The following USH2A variants were observed in gnomAD, a reference collection of about 807,000 sequenced individuals.
USH2A encodes usherin.
Under a neutral mutation model 538.9 loss-of-function variants are expected in USH2A, and 443 were observed. That is an observed-to-expected ratio of 0.82 (90% CI 0.76 to 0.89). The LOEUF (loss-of-function observed/expected upper bound fraction) is 0.89. Ranked by LOEUF, USH2A falls within the 40% of genes least tolerant of loss-of-function variation. The probability of loss-of-function intolerance (pLI) is 0.00; values close to 1 mark genes in which losing one functional copy is unlikely to be tolerated. For synonymous variants in USH2A, 2,413 were observed against 2,273.5 expected (o/e 1.06, Z -1.75); for missense variants, 6,633 against 6,324.8 (o/e 1.05, Z -1.65).
chr1:215,702,294 G>A (rs1385714075), intron 61 of USH2A, among the ~76,000 whole-genome samples: 1 of 152,066 alleles, frequency 6.6e-6, no homozygotes, highest in African/African-American at 2.4e-5. Flanking sequence ...ATGATTACGT[G>A]TCTTGGGGTT....
chr1:215,912,943 G>A (rs1665851611), intron 38 of USH2A, among the ~76,000 whole-genome samples: 1 of 152,132 alleles, frequency 6.6e-6, no homozygotes, highest in South Asian at 2.1e-4. Context: ...ATTAGATGAT[G>A]TGAGTATTGC....
intron 21 of USH2A, among the ~76,000 whole-genome samples, chr1:216,155,393 A>G (rs1411793556): frequency 1.3e-5 from 2 of 152,162 alleles, no homozygotes; most frequent in Non-Finnish European, 2.9e-5. Context: ...AATTGCTCCT[A>G]TAGATAACAT....
Position 215,888,426 on chromosome 1 carries a change from C to T in USH2A, c.8223G>A (p.Gln2741=), listed in dbSNP as rs1429589438. The T allele has an allele frequency of 6.2e-7, 1 of 1,612,796 alleles. No homozygotes were observed. The highest frequency in any genetic ancestry group is 1.1e-5 in the South Asian group (1 of 91,012). The change falls in exon 41 of 72, where the codon CAG becomes CAA. Residue 2741 remains glutamine, a splice_region_variant and synonymous_variant. Coordinates refer to ENST00000307340, the MANE Select transcript of USH2A (RefSeq NM_206933.4). ...GGAGAGAGAATAGTCAGTATCTTACCTGGACTGCATCGGGTTCCAGCACTG... is the reference window on the plus strand; with the variant it reads ...GGAGAGAGAATAGTCAGTATCTTACTTGGACTGCATCGGGTTCCAGCACTG... The part of the protein sequence containing the change: ...VVTVLEPDAV[Q]VTWKPPLIQN...
At chr1:216,283,676 A>C (rs1413776414) in intron 11 of USH2A, among the ~76,000 whole-genome samples, 9 of 152,180 alleles carry the variant, frequency 5.9e-5, no homozygotes, top group Non-Finnish European at 7.4e-5. Context: ...TTTGATCTTA[A>C]ATAAAATTGA....
chr1:216,395,492 C>T (rs2039194951), intron 3 of USH2A, among the ~76,000 whole-genome samples: 1 of 152,140 alleles, frequency 6.6e-6, no homozygotes, highest in African/African-American at 2.4e-5. Flanking sequence ...TTATTTCATG[C>T]TTTGATAAAA....
rs1464586310 is a variant in USH2A at position 215,648,784 on chromosome 1, G to C, written c.14344-18C>G. 3.7e-6 allele frequency: 6 copies of C among 1,606,352 alleles called. No homozygotes were observed. In the African/African-American group the frequency reaches 5.4e-5, roughly 14 times the overall value. Reference sequence around the variant, plus strand: ...TCGGATAGCTGTGGAAGGAAGGAAGGCTAGATAAAGGCAGTGTCAAACATT... The same window carrying C: ...TCGGATAGCTGTGGAAGGAAGGAAGCCTAGATAAAGGCAGTGTCAAACATT... On this transcript the variant is annotated intron_variant, in intron 65 of 71. Transcript: ENST00000307340.
At chr1:216,197,977 G>A (rs1341556186) in intron 18 of USH2A, among the ~76,000 whole-genome samples, 2 of 152,106 alleles carry the variant, frequency 1.3e-5, no homozygotes, top group Non-Finnish European at 2.9e-5. Flanking sequence ...GGCTGTATAT[G>A]GAGCAAGATG....
At chr1:215,956,165 C>T (rs1667063160) in intron 37 of USH2A, among the ~76,000 whole-genome samples, 1 of 152,146 alleles carries the variant, frequency 6.6e-6, no homozygotes, top group Non-Finnish European at 1.5e-5. Context: ...AACACTGATT[C>T]TAATATTACT....
chr1:216,415,459 A>G (rs1303436631), intron 3 of USH2A, among the ~76,000 whole-genome samples: 8 of 151,222 alleles, frequency 5.3e-5, no homozygotes, highest in African/African-American at 1.2e-4. Flanking sequence ...ACAGAGTAGC[A>G]TAACCTAAAT....
intron 15 of USH2A, among the ~76,000 whole-genome samples, chr1:216,210,895 C>T (rs1196013165): frequency 4.6e-5 from 7 of 151,728 alleles, no homozygotes; most frequent in Non-Finnish European, 7.4e-5. Context: ...GCGGAAGAAT[C>T]GTTTGAACCC....
At chr1:215,682,403 G>T (rs1658264504) in intron 61 of USH2A, among the ~76,000 whole-genome samples, 1 of 152,048 alleles carries the variant, frequency 6.6e-6, no homozygotes, top group African/African-American at 2.4e-5. Context: ...TCAGAGCTGA[G>T]AATTCCATTC....
chr1:216,043,149 T>C (rs2102521944), intron 32 of USH2A, among the ~76,000 whole-genome samples: 1 of 152,202 alleles, frequency 6.6e-6, no homozygotes, highest in African/African-American at 2.4e-5. Flanking sequence ...AAGCAGAATG[T>C]ATAGAAATTA....
chr1:216,097,362 T>C (rs2032465067), intron 21 of USH2A, 149 bp from the exon 22 acceptor site: 1 of 1,406,728 alleles, frequency 7.1e-7, no homozygotes, highest in Admixed American at 2.1e-5. Context: ...TCTAGGCCAT[T>C]TGGTTTTAAA....
intron 26 of USH2A, chr1:216,080,163 T>C (rs778393039): frequency 5.3e-5 from 8 of 151,826 alleles, no homozygotes; most frequent in Non-Finnish European, 7.4e-5. Context: ...AAGGAGAAAA[T>C]ACATGACAAA....
intron 70 of USH2A, among the ~76,000 whole-genome samples, chr1:215,629,407 T>G (rs1325354007): frequency 6.6e-6 from 1 of 152,130 alleles, no homozygotes; most frequent in Non-Finnish European, 1.5e-5. Context: ...AGGTATCTTC[T>G]TCATACATGT....
At chr1:216,140,443 T>A (rs1430682150) in intron 21 of USH2A, among the ~76,000 whole-genome samples, 1 of 152,224 alleles carries the variant, frequency 6.6e-6, no homozygotes, top group Admixed American at 6.5e-5. Context: ...GGTAATTTAT[T>A]GTTTTCAATA....
intron 50 of USH2A, among the ~76,000 whole-genome samples, chr1:215,793,170 CT>C (rs1463284788): frequency 5.3e-5 from 8 of 152,152 alleles, no homozygotes; most frequent in African/African-American, 1.9e-4. Context: ...ATAAGCATAT[CT>C]GTTGGATGAA....
intron 71 of USH2A, 57 bp from the exon 72 acceptor site, chr1:215,625,927 T>C: frequency 6.6e-7 from 1 of 1,507,048 alleles, no homozygotes; most frequent in South Asian, 1.1e-5. Flanking sequence ...GTATTTGCTA[T>C]CAATTTATAG....
chr1:216,337,559 C>G (rs1030738203), intron 4 of USH2A, among the ~76,000 whole-genome samples: 18 of 151,360 alleles, frequency 1.2e-4, no homozygotes, highest in Admixed American at 9.9e-4. Context: ...CGTGATATGG[C>G]AAACATCTTA....
Sources: gnomAD v4.1 joint callset for allele counts (sites outside exome capture counted in the v4.1 genomes callset) on GRCh38, gnomAD v4.1.1 for gene constraint, MANE v1.5 for transcripts, NCBI Gene and HGNC (gene_info 2026-07-23, HGNC 2026-07-21) for gene names.